Variants in AKT3 observed in about 807,000 individuals in gnomAD.
AKT3 encodes the protein AKT serine/threonine kinase 3, also known as RAC-gamma serine/threonine-protein kinase.
AKT3 carries 15 observed loss-of-function variants against 65.3 expected under a neutral mutation model. That is an observed-to-expected ratio of 0.23 (90% CI 0.15 to 0.35). The LOEUF (loss-of-function observed/expected upper bound fraction) is 0.35. Among genes scored for constraint, AKT3 ranks in the 10% least tolerant of loss-of-function variants. The probability of loss-of-function intolerance (pLI) is 1.00; values close to 1 mark genes in which losing one functional copy is unlikely to be tolerated. For synonymous variants in AKT3, 206 were observed against 183.8 expected (o/e 1.12, Z -0.98); for missense variants, 243 against 576.5 (o/e 0.42, Z 5.92).
chr1:243,624,888 C>A, intron 6 of AKT3: 1 of 209,936 alleles, frequency 4.8e-6, no homozygotes, highest in East Asian at 1.1e-4. Flanking sequence ...TGTTCTTGAA[C>A]ATACTTTGAA....
At chr1:243,680,560 T>C (rs1683838693) in intron 3 of AKT3, among the ~76,000 whole-genome samples, 2 of 152,108 alleles carry the variant, frequency 1.3e-5, no homozygotes, top group African/African-American at 2.4e-5. Context: ...TTAGGCCTCA[T>C]TTAACTTTAC....
At chr1:243,657,963 A>G (rs981807575) in intron 4 of AKT3, among the ~76,000 whole-genome samples, 1 of 152,184 alleles carries the variant, frequency 6.6e-6, no homozygotes, top group Non-Finnish European at 1.5e-5. Flanking sequence ...TTTACACCAC[A>G]CACAAAACCA....
intron 8 of AKT3, among the ~76,000 whole-genome samples, chr1:243,605,497 G>C (rs1221104728): frequency 6.6e-6 from 1 of 152,088 alleles, no homozygotes; most frequent in African/African-American, 2.4e-5. Context: ...TCATCCTAAG[G>C]TCACTCTGTA....
chr1:243,814,786 C>G (rs947660693), intron 2 of AKT3: 1 of 152,302 alleles, frequency 6.6e-6, no homozygotes, highest in African/African-American at 2.4e-5. Flanking sequence ...TTTATGATCT[C>G]ACAGTTTCTG....
chr1:243,583,193 T>TAC (rs760535175), intron 8 of AKT3, among the ~76,000 whole-genome samples: 8,510 of 38,096 alleles, frequency 0.22, 347 homozygotes, highest in Non-Finnish European at 0.39. Context: ...TATATATATA[T>TAC]ATACACACAC....
chr1:243,559,787 C>T (rs1296400894), intron 10 of AKT3, among the ~76,000 whole-genome samples: 2 of 152,074 alleles, frequency 1.3e-5, no homozygotes, highest in African/African-American at 4.8e-5. Context: ...GAGTCATTCA[C>T]AAGAGAAGCA....
chr1:243,527,277 T>C (rs1241045428), intron 12 of AKT3, among the ~76,000 whole-genome samples: 1 of 152,138 alleles, frequency 6.6e-6, no homozygotes, highest in Non-Finnish European at 1.5e-5. Context: ...ATCAACCAAG[T>C]GACCAAAATA....
At chr1:243,706,040 T>A (rs895893157) in intron 2 of AKT3, among the ~76,000 whole-genome samples, 1 of 152,192 alleles carries the variant, frequency 6.6e-6, no homozygotes, top group Admixed American at 6.5e-5. Flanking sequence ...ATATTTCCCA[T>A]TTTACCACCT....
At chr1:243,524,753 T>C (rs1670937766) in intron 12 of AKT3, among the ~76,000 whole-genome samples, 1 of 152,192 alleles carries the variant, frequency 6.6e-6, no homozygotes, top group Non-Finnish European at 1.5e-5. Flanking sequence ...CTTACAATCA[T>C]GGTCAAGCAG....
chr1:243,507,687 G>T (rs1428683816), intron 13 of AKT3, among the ~76,000 whole-genome samples: 2 of 152,190 alleles, frequency 1.3e-5, no homozygotes, highest in African/African-American at 4.8e-5. Context: ...GGAAAAAGAA[G>T]ACAATGATCA....
At chr1:243,565,163 G>A (rs773063149) in intron 9 of AKT3, among the ~76,000 whole-genome samples, 1 of 152,104 alleles carries the variant, frequency 6.6e-6, no homozygotes, top group African/African-American at 2.4e-5. Context: ...TCTCACAGAG[G>A]TAAGTCTGGC....
At chr1:243,684,597 G>A (rs189189541) in intron 3 of AKT3, among the ~76,000 whole-genome samples, 84 of 152,246 alleles carry the variant, frequency 5.5e-4, no homozygotes, top group African/African-American at 1.9e-3. Context: ...TTGCTATTGT[G>A]AATAGGGCTG....
At chr1:243,566,854 T>C (rs1344475846) in intron 9 of AKT3, among the ~76,000 whole-genome samples, 2 of 152,224 alleles carry the variant, frequency 1.3e-5, no homozygotes, top group African/African-American at 2.4e-5. Flanking sequence ...ATTGTCATGA[T>C]GTGGGCTCTT....
intron 2 of AKT3, among the ~76,000 whole-genome samples, chr1:243,728,314 T>A (rs1687341138): frequency 6.6e-6 from 1 of 152,218 alleles, no homozygotes; most frequent in Non-Finnish European, 1.5e-5. Context: ...TCTCAGTACA[T>A]ACTATCCTTG....
chr1:243,836,845 G>T (rs1481581098), intron 2 of AKT3, among the ~76,000 whole-genome samples: 2 of 150,802 alleles, frequency 1.3e-5, no homozygotes, highest in Non-Finnish European at 2.9e-5. Flanking sequence ...CCAGGAGGCG[G>T]AGGTTGCAGT....
intron 2 of AKT3, among the ~76,000 whole-genome samples, chr1:243,753,150 C>T (rs781596867): frequency 6.6e-5 from 10 of 152,122 alleles, no homozygotes; most frequent in African/African-American, 1.9e-4. Context: ...ACAAAGAATG[C>T]GAACTGCTTC....
intron 3 of AKT3, among the ~76,000 whole-genome samples, chr1:243,665,853 T>C (rs1434755276): frequency 1.3e-5 from 2 of 152,208 alleles, no homozygotes; most frequent in Non-Finnish European, 2.9e-5. Context: ...CTGCTGACTC[T>C]GCTCTTTTGG....
chr1:243,674,266 C>T (rs1226677885), intron 3 of AKT3, among the ~76,000 whole-genome samples: 1 of 152,138 alleles, frequency 6.6e-6, no homozygotes, highest in Non-Finnish European at 1.5e-5. Flanking sequence ...GCCAACATGT[C>T]AAACCACAGA....
chr1:243,779,043 T>C (rs1277620243), intron 2 of AKT3, among the ~76,000 whole-genome samples: 1 of 152,116 alleles, frequency 6.6e-6, no homozygotes, highest in African/African-American at 2.4e-5. Flanking sequence ...CATTTGGGCT[T>C]TTCCCTACTC....
Sources: allele counts gnomAD v4.1 joint callset (sites outside exome capture counted in the v4.1 genomes callset), GRCh38; gene constraint gnomAD v4.1.1; transcripts MANE v1.5; gene names NCBI Gene and HGNC (gene_info 2026-07-23, HGNC 2026-07-21).